PLXNA4: variants seen among roughly 807,000 people sequenced by gnomAD.
PLXNA4 encodes plexin-A4.
A neutral mutation model predicts 191.8 loss-of-function variants in PLXNA4; 44 were observed. The observed-to-expected ratio is 0.23, with a 90% CI of 0.18 to 0.29. The LOEUF is 0.29. Ranked by LOEUF, PLXNA4 falls within the 10% of genes least tolerant of loss-of-function variation. The pLI, the probability that PLXNA4 is intolerant of heterozygous loss-of-function variation, is 1.00. For missense variants in PLXNA4, 1,800 were observed against 2,488.8 expected, an observed-to-expected ratio of 0.72 and a Z score of 5.89; for synonymous variants, 1,082 against 1,009.5, an observed-to-expected ratio of 1.07 and a Z score of -1.36.
rs1413477515 is a variant in PLXNA4 at position 132,133,070 on chromosome 7, A to G, written c.5568T>C (p.Tyr1856=). Residue 1856 remains tyrosine (Y), a synonymous_variant, in exon 31 of 32, where the codon TAT becomes TAC. Transcript: ENST00000321063. ...TMSALSEIFS[Y]VGKYSEEILG... is the part of the protein sequence containing the mutation. ...TTACCTCCTCGCTGTATTTGCCCACATAGGAGAAGATCTCTGAGAGTGCAC... is the reference window on the plus strand; with the variant it reads ...TTACCTCCTCGCTGTATTTGCCCACGTAGGAGAAGATCTCTGAGAGTGCAC... The G allele has an allele frequency of 6.2e-7, 1 of 1,614,102 alleles. No individual in the cohort carries two copies. The highest frequency in any genetic ancestry group is 1.7e-5 in the Admixed American group (1 of 60,008).
intron 3 of PLXNA4, among the ~76,000 whole-genome samples, chr7:132,322,573 G>C (rs949207960): frequency 6.6e-6 from 1 of 152,186 alleles, no homozygotes; most frequent in Non-Finnish European, 1.5e-5. Flanking sequence ...ACAGCAAGAA[G>C]GTAGCATGGC....
chr7:132,139,139 G>T (rs1795195145), intron 30 of PLXNA4, among the ~76,000 whole-genome samples: 1 of 152,230 alleles, frequency 6.6e-6, no homozygotes, highest in Non-Finnish European at 1.5e-5. Context: ...TAGGACAAAA[G>T]AGTTAGTTTC....
intron 3 of PLXNA4, among the ~76,000 whole-genome samples, chr7:132,339,882 A>G (rs973253428): frequency 2.6e-5 from 4 of 152,214 alleles, no homozygotes; most frequent in Non-Finnish European, 5.9e-5. Flanking sequence ...AAGGGTTCTT[A>G]TGTAAAAGGA....
intron 10 of PLXNA4, among the ~76,000 whole-genome samples, chr7:132,206,153 A>G (rs1797608567): frequency 6.6e-6 from 1 of 152,204 alleles, no homozygotes; most frequent in African/African-American, 2.4e-5. Flanking sequence ...CCATTGGTAA[A>G]GTGGGAATTC....
chr7:132,641,825 CAACAT>C (rs1803748721), intron 2 of PLXNA4, among the ~76,000 whole-genome samples: 1 of 152,076 alleles, frequency 6.6e-6, no homozygotes. Flanking sequence ...GGAGGGACGA[CAACAT>C]AAGTACCCAT....
intron 3 of PLXNA4, among the ~76,000 whole-genome samples, chr7:132,424,407 C>A (rs2288974): frequency 1.3e-5 from 2 of 152,122 alleles, no homozygotes; most frequent in African/African-American, 4.8e-5. Flanking sequence ...GCCCACAAGA[C>A]AGTAGAGGGG....
intron 3 of PLXNA4, among the ~76,000 whole-genome samples, chr7:132,482,457 C>T (rs779061512): frequency 2.6e-5 from 4 of 152,168 alleles, no homozygotes; most frequent in Non-Finnish European, 4.4e-5. Flanking sequence ...GTAGACTCTT[C>T]CCCATTCTGG....
At chr7:132,359,469 G>C (rs756323123) in intron 3 of PLXNA4, among the ~76,000 whole-genome samples, 1 of 151,942 alleles carries the variant, frequency 6.6e-6, no homozygotes, top group Non-Finnish European at 1.5e-5. Flanking sequence ...TGCCTGCCAC[G>C]GTCTCCCAAA....
chr7:132,130,795 T>C (rs1028187705), intron 31 of PLXNA4, among the ~76,000 whole-genome samples: 1 of 152,172 alleles, frequency 6.6e-6, no homozygotes, highest in Non-Finnish European at 1.5e-5. Flanking sequence ...GAGCACAGGA[T>C]GCCAGCACAC....
intron 3 of PLXNA4, among the ~76,000 whole-genome samples, chr7:132,369,067 G>A (rs1804316286): frequency 6.6e-6 from 1 of 152,090 alleles, no homozygotes. Flanking sequence ...GATCTGCCTG[G>A]CCTGATGTGT....
At chr7:132,251,999 T>G (rs1307217133) in intron 4 of PLXNA4, among the ~76,000 whole-genome samples, 2 of 152,228 alleles carry the variant, frequency 1.3e-5, no homozygotes, top group African/African-American at 4.8e-5. Flanking sequence ...GACCAGGTGC[T>G]GCTGGCTTAG....
intron 4 of PLXNA4, among the ~76,000 whole-genome samples, chr7:132,293,435 A>G (rs1800963966): frequency 1.3e-5 from 2 of 152,188 alleles, no homozygotes; most frequent in Admixed American, 1.3e-4. Flanking sequence ...CTACATGAGA[A>G]CAGCATGGGG....
intron 14 of PLXNA4, among the ~76,000 whole-genome samples, chr7:132,189,022 GAGAGA>G (rs1562909104): frequency 1.1e-4 from 9 of 80,298 alleles, no homozygotes; most frequent in South Asian, 5.4e-4. Context: ...GAGAGAGAGA[GAGAGA>G]GAAAGAGAGA....
chr7:132,274,166 G>A (rs1216307892), intron 4 of PLXNA4, among the ~76,000 whole-genome samples: 1 of 152,012 alleles, frequency 6.6e-6, no homozygotes, highest in Non-Finnish European at 1.5e-5. Flanking sequence ...TCCAGGTGCT[G>A]GAGACAGGGA....
intron 3 of PLXNA4, among the ~76,000 whole-genome samples, chr7:132,352,745 C>T (rs560176553): frequency 2.3e-4 from 35 of 152,252 alleles, no homozygotes; most frequent in Middle Eastern, 3.4e-3. Context: ...TCCTTCCACT[C>T]GGGATTGCTT....
At position 132,341,730 on chromosome 7, in the gene PLXNA4, A is replaced by G. The variant is rs148023647; in HGVS notation, c.1372-43508T>C. ...CATGGCCCTTACCCTGTCCCTTTAC[A>G]GCACAGTTCTGAGTATTTTAGGGTT... On this transcript the variant is annotated intron_variant, in intron 3 of 31. Transcript: ENST00000321063. Among the ~76,000 whole-genome samples the G allele has an allele frequency of 1.4e-3, 220 of 152,302 alleles. 2 individuals carry two copies. The highest frequency in any genetic ancestry group is 5.1e-3 in the African/African-American group (214 of 41,562).
chr7:132,640,756 C>G (rs937561085), intron 2 of PLXNA4, among the ~76,000 whole-genome samples: 1 of 145,540 alleles, frequency 6.9e-6, no homozygotes, highest in African/African-American at 2.6e-5. Context: ...TTGTGACACA[C>G]CATTGTCTTA....
chr7:132,435,265 G>A (rs563428873), intron 3 of PLXNA4, among the ~76,000 whole-genome samples: 2 of 152,118 alleles, frequency 1.3e-5, no homozygotes, highest in Non-Finnish European at 2.9e-5. Flanking sequence ...TAGCCCCAGG[G>A]GAAAAAACAA....
intron 3 of PLXNA4, among the ~76,000 whole-genome samples, chr7:132,462,364 A>G (rs922329636): frequency 9.9e-5 from 15 of 152,218 alleles, no homozygotes; most frequent in African/African-American, 3.1e-4. Context: ...ATGCATCAAA[A>G]AGAAAACCAG....
Sources: allele counts gnomAD v4.1 joint callset (sites outside exome capture counted in the v4.1 genomes callset), GRCh38; gene constraint gnomAD v4.1.1; transcripts MANE v1.5; gene names NCBI Gene and HGNC (gene_info 2026-07-23, HGNC 2026-07-21).